Variants in ROR1 observed in about 807,000 individuals in gnomAD.
ROR1 encodes the protein inactive tyrosine-protein kinase transmembrane receptor ROR1.
Under a neutral mutation model 78.8 loss-of-function variants are expected in ROR1, and 19 were observed. The ratio of observed to expected loss-of-function variants is 0.24; its 90% CI spans 0.17 to 0.35. ROR1 has a LOEUF of 0.35. ROR1 is among the 10% of genes least tolerant of loss of function. The pLI, the probability that ROR1 is intolerant of heterozygous loss-of-function variation, is 1.00. For synonymous variants in ROR1, 386 were observed against 433.6 expected (o/e 0.89, Z 1.36); for missense variants, 917 against 1,177.8 (o/e 0.78, Z 3.24).
chr1:64,080,881 A>G (rs1647096321), intron 4 of ROR1, among the ~76,000 whole-genome samples: 1 of 152,202 alleles, frequency 6.6e-6, no homozygotes, highest in African/African-American at 2.4e-5. Context: ...AGACGGTGGT[A>G]TGAAAGCAAC....
chr1:63,896,642 G>A (rs1290084075), intron 1 of ROR1, among the ~76,000 whole-genome samples: 2 of 152,100 alleles, frequency 1.3e-5, no homozygotes, highest in African/African-American at 2.4e-5. Context: ...CAGGACACTG[G>A]GGAAAAACTG....
chr1:63,777,130 T>G (rs1644621814), intron 1 of ROR1, among the ~76,000 whole-genome samples: 1 of 152,308 alleles, frequency 6.6e-6, no homozygotes, highest in African/African-American at 2.4e-5. Flanking sequence ...AAGCTCAACT[T>G]CTTTAGGAAC....
chr1:64,154,333 C>T (rs1310928076), intron 7 of ROR1, among the ~76,000 whole-genome samples: 1 of 152,202 alleles, frequency 6.6e-6, no homozygotes, highest in Non-Finnish European at 1.5e-5. Context: ...TTATAGTTTT[C>T]AAGTAATAAA....
intron 1 of ROR1, among the ~76,000 whole-genome samples, chr1:63,783,637 G>A (rs1569697820): frequency 6.6e-6 from 1 of 152,282 alleles, no homozygotes; most frequent in Non-Finnish European, 1.5e-5. Context: ...CAGGCTAAAA[G>A]CCAGGATAAG....
intron 1 of ROR1, among the ~76,000 whole-genome samples, chr1:63,944,163 G>A (rs981092751): frequency 1.3e-5 from 2 of 152,202 alleles, no homozygotes; most frequent in African/African-American, 4.8e-5. Context: ...TTGCTGGAAT[G>A]TGAGTCTTTT....
rs569129475 is a variant in ROR1, at chr1:64,139,648, A to G, written c.611-461A>G. Among the ~76,000 whole-genome samples, 3 of 152,296 alleles carry G rather than the reference A, an allele frequency of 2.0e-5. No homozygotes were observed. The South Asian group carries it at 6.2e-4, about 32-fold the overall frequency. On this transcript the variant is annotated intron_variant, in intron 5 of 8. Transcript: ENST00000371079. Reference sequence around the variant, plus strand: ...CAGCCACAAAGAAATTAAGCAAGTTACCCTAAGTCATCCAGCAACTCTTGC... The same window carrying G: ...CAGCCACAAAGAAATTAAGCAAGTTGCCCTAAGTCATCCAGCAACTCTTGC...
chr1:63,854,084 A>G lies in ROR1; in HGVS notation c.91+79576A>G, dbSNP rs559041441. Among the ~76,000 whole-genome samples, 4 of 152,362 alleles carry G rather than the reference A, an allele frequency of 2.6e-5. No individual in the cohort carries two copies. The South Asian group carries it at 8.3e-4, about 32-fold the overall frequency. ...TAATGAATGTTCCTTCTAGCTTTGT[A>G]TATTGCATAGTGCATGACTGCTAGC... On this transcript the variant is annotated intron_variant, in intron 1 of 8. Coordinates refer to ENST00000371079, the MANE Select transcript of ROR1 (RefSeq NM_005012.4).
At chr1:64,074,797 T>C (rs1647035946) in intron 4 of ROR1, among the ~76,000 whole-genome samples, 1 of 152,214 alleles carries the variant, frequency 6.6e-6, no homozygotes, top group South Asian at 2.1e-4. Flanking sequence ...GCTCCGCCAC[T>C]TAATAACTGA....
chr1:63,876,130 G>A, intron 1 of ROR1, among the ~76,000 whole-genome samples: 1 of 152,112 alleles, frequency 6.6e-6, no homozygotes, highest in Non-Finnish European at 1.5e-5. Context: ...TCTTTGGTAT[G>A]CTTAGGATTT....
chr1:64,149,204 G>A (rs7531092), intron 7 of ROR1, among the ~76,000 whole-genome samples: 1,989 of 152,092 alleles, frequency 0.013, 45 homozygotes, highest in African/African-American at 0.045. Context: ...TAATCCACAC[G>A]GTAAACACAA....
intron 4 of ROR1, among the ~76,000 whole-genome samples, chr1:64,117,775 T>C (rs954027900): frequency 5.9e-5 from 9 of 152,212 alleles, no homozygotes; most frequent in Non-Finnish European, 1.0e-4. Context: ...CTTGTCCTCT[T>C]TCCACAACAC....
chr1:64,064,612 G>T (rs1033941540), intron 4 of ROR1, among the ~76,000 whole-genome samples: 3 of 152,202 alleles, frequency 2.0e-5, no homozygotes, highest in Non-Finnish European at 2.9e-5. Context: ...CCTGCAGACA[G>T]CCTTGAAGAA....
chr1:63,795,014 A>G (rs908135257), intron 1 of ROR1, among the ~76,000 whole-genome samples: 12 of 152,132 alleles, frequency 7.9e-5, no homozygotes, highest in African/African-American at 2.9e-4. Flanking sequence ...ACCCCAGACG[A>G]GGCTGCCTGT....
intron 1 of ROR1, among the ~76,000 whole-genome samples, chr1:63,824,528 ATCCCTGGGGTAGGGTC>A (rs1457842626): frequency 1.3e-5 from 2 of 152,180 alleles, no homozygotes; most frequent in Non-Finnish European, 2.9e-5. Context: ...CAGTTTGCTG[ATCCCTGGGGTAGGGTC>A]TCAGAAGCAT....
At chr1:64,137,177 T>C (rs1329433818) in intron 4 of ROR1, among the ~76,000 whole-genome samples, 192 bp from the exon 5 acceptor site, 3 of 152,166 alleles carry the variant, frequency 2.0e-5, no homozygotes, top group Non-Finnish European at 4.4e-5. Flanking sequence ...TCTGGGGGTG[T>C]AGGAAACTTG....
chr1:64,023,640 A>G (rs1646583846), intron 2 of ROR1, among the ~76,000 whole-genome samples: 1 of 152,228 alleles, frequency 6.6e-6, no homozygotes. Context: ...GTTACTGCTA[A>G]CAGATACTGT....
chr1:63,821,317 C>T lies in ROR1; in HGVS notation c.91+46809C>T, dbSNP rs2100285065. On this transcript the variant is annotated intron_variant, in intron 1 of 8. Transcript: ENST00000371079. ...CAGAATGAGTCCACCACCTTGCCTT[C>T]CTCTTCGGTTTTCAATGACTTCTCC... Among the ~76,000 whole-genome samples, 4 of 152,306 alleles carry T rather than the reference C, an allele frequency of 2.6e-5. No individual in the cohort carries two copies. In the Middle Eastern group the frequency reaches 0.014, roughly 518 times the overall value.
intron 1 of ROR1, among the ~76,000 whole-genome samples, chr1:63,962,046 G>A (rs1646033857): frequency 6.6e-6 from 1 of 152,148 alleles, no homozygotes; most frequent in Non-Finnish European, 1.5e-5. Context: ...GATCCGTTGA[G>A]CCCAGGAGTT....
chr1:63,826,516 C>T (rs1644954478), intron 1 of ROR1, among the ~76,000 whole-genome samples: 1 of 151,966 alleles, frequency 6.6e-6, no homozygotes, highest in African/African-American at 2.4e-5. Context: ...GTGTTGATTC[C>T]ATGTCTTTGC....
Sources: gnomAD v4.1 joint callset for allele counts (sites outside exome capture counted in the v4.1 genomes callset) on GRCh38, gnomAD v4.1.1 for gene constraint, MANE v1.5 for transcripts, NCBI Gene and HGNC (gene_info 2026-07-23, HGNC 2026-07-21) for gene names.